The following UNC5D variants were observed in gnomAD, a reference collection of about 807,000 sequenced individuals.
The protein encoded by UNC5D is netrin receptor UNC5D.
Under a neutral mutation model 105.4 loss-of-function variants are expected in UNC5D, and 39 were observed. That is an observed-to-expected ratio of 0.37 (90% confidence interval 0.29 to 0.48). UNC5D has a LOEUF of 0.48. UNC5D is among the 20% of genes least tolerant of loss of function. UNC5D has a pLI of 0.98. For synonymous variants in UNC5D, 452 were observed against 450.4 expected (o/e 1.00, Z -0.04); for missense variants, 991 against 1,202.4 (o/e 0.82, Z 2.60).
chr8:35,502,833 G>A (rs1203456930), intron 1 of UNC5D, among the ~76,000 whole-genome samples: 2 of 151,830 alleles, frequency 1.3e-5, no homozygotes, highest in Non-Finnish European at 1.5e-5. Flanking sequence ...TTAAAGTGCT[G>A]GGATTACAGG....
intron 1 of UNC5D, among the ~76,000 whole-genome samples, chr8:35,377,505 G>C (rs1802771545): frequency 6.6e-6 from 1 of 152,142 alleles, no homozygotes; most frequent in South Asian, 2.1e-4. Context: ...AGCTCAGTGG[G>C]AAAGCTCCCC....
At chr8:35,633,692 T>C (rs1822187158) in intron 4 of UNC5D, among the ~76,000 whole-genome samples, 1 of 152,056 alleles carries the variant, frequency 6.6e-6, no homozygotes, top group African/African-American at 2.4e-5. Context: ...GAGTTTGAGG[T>C]TACAGTGAGC....
At chr8:35,340,814 G>T (rs990170838) in intron 1 of UNC5D, among the ~76,000 whole-genome samples, 5 of 152,014 alleles carry the variant, frequency 3.3e-5, no homozygotes, top group Admixed American at 3.3e-4. Flanking sequence ...AAGCTCAGGG[G>T]CCCAAACTTT....
At chr8:35,367,265 T>G (rs1362696118) in intron 1 of UNC5D, among the ~76,000 whole-genome samples, 1 of 152,202 alleles carries the variant, frequency 6.6e-6, no homozygotes. Context: ...GAAAGAGTGA[T>G]ATGTAAATTT....
intron 1 of UNC5D, among the ~76,000 whole-genome samples, chr8:35,458,741 T>G (rs995677997): frequency 6.6e-6 from 1 of 152,190 alleles, no homozygotes; most frequent in African/African-American, 2.4e-5. Context: ...TTGTGCCTTA[T>G]GCAAGCCTCA....
intron 4 of UNC5D, among the ~76,000 whole-genome samples, chr8:35,615,699 G>A (rs1016873344): frequency 4.0e-5 from 6 of 151,762 alleles, no homozygotes; most frequent in Non-Finnish European, 7.4e-5. Context: ...AATTTTTCAT[G>A]CCTGTGTGTC....
At chr8:35,574,024 C>T (rs915855395) in intron 3 of UNC5D, among the ~76,000 whole-genome samples, 3 of 152,186 alleles carry the variant, frequency 2.0e-5, no homozygotes, top group Non-Finnish European at 2.9e-5. Flanking sequence ...TTCAATAGAG[C>T]CAGAGATAGA....
chr8:35,496,601 T>G lies in UNC5D; in HGVS notation c.104-52691T>G, dbSNP rs1267492316. ...AAGGAAGGGAGTCACGCGTCACTCC[T>G]ACTTATGTAATTTTTAAAAACAGTT... On this transcript the variant is annotated intron_variant, in intron 1 of 16. Coordinates refer to ENST00000404895, the MANE Select transcript of UNC5D (RefSeq NM_080872.4). Among the ~76,000 whole-genome samples the G allele has an allele frequency of 3.0e-4, 45 of 152,212 alleles. 1 individual carries two copies. The highest frequency in any genetic ancestry group is 2.9e-3 in the Admixed American group (45 of 15,274).
chr8:35,236,358 A>T (rs928005523), intron 1 of UNC5D, among the ~76,000 whole-genome samples: 1 of 138,390 alleles, frequency 7.2e-6, no homozygotes, highest in Non-Finnish European at 1.6e-5. Flanking sequence ...CCCTTAGGGG[A>T]GGAACACCCA....
intron 1 of UNC5D, among the ~76,000 whole-genome samples, chr8:35,297,234 CA>C (rs1807562290): frequency 1.3e-5 from 2 of 152,172 alleles, no homozygotes; most frequent in Admixed American, 1.3e-4. Flanking sequence ...TTCTGCTTAG[CA>C]AAAAATCCTC....
chr8:35,331,804 A>G (rs1237711381), intron 1 of UNC5D, among the ~76,000 whole-genome samples: 1 of 152,172 alleles, frequency 6.6e-6, no homozygotes, highest in African/African-American at 2.4e-5. Context: ...ACTATAGGAC[A>G]TCTGCCAAGT....
chr8:35,590,633 T>C (rs1819108933), intron 3 of UNC5D, among the ~76,000 whole-genome samples: 1 of 152,306 alleles, frequency 6.6e-6, no homozygotes. Flanking sequence ...TCTAGTAATA[T>C]ACATGACCTC....
chr8:35,286,434 G>A (rs1236942603), intron 1 of UNC5D, among the ~76,000 whole-genome samples: 1 of 152,168 alleles, frequency 6.6e-6, no homozygotes, highest in Non-Finnish European at 1.5e-5. Context: ...ACATTTGCCA[G>A]GTGCTTCTAA....
chr8:35,573,536 T>A (rs756732653), intron 3 of UNC5D, among the ~76,000 whole-genome samples: 32 of 152,178 alleles, frequency 2.1e-4, no homozygotes, highest in Admixed American at 4.6e-4. Context: ...AGGTCCTGAA[T>A]CTTTCAAACT....
chr8:35,596,295 G>A (rs1439346580), intron 4 of UNC5D, among the ~76,000 whole-genome samples: 1 of 152,040 alleles, frequency 6.6e-6, no homozygotes, highest in Non-Finnish European at 1.5e-5. Flanking sequence ...GAATATAATT[G>A]TCCCTGGTAA....
At chr8:35,492,159 T>G (rs969251868) in intron 1 of UNC5D, among the ~76,000 whole-genome samples, 1 of 152,026 alleles carries the variant, frequency 6.6e-6, no homozygotes, top group Non-Finnish European at 1.5e-5. Flanking sequence ...AGTGCCATTA[T>G]TTCCTTAAGC....
intron 4 of UNC5D, 151 bp downstream of exon 4, chr8:35,595,808 T>C: frequency 4.6e-6 from 3 of 658,684 alleles, no homozygotes; most frequent in Admixed American, 2.9e-5. Flanking sequence ...GGTGAAGAAA[T>C]TGTCTAGGAA....
At chr8:35,413,079 A>C (rs1805280772) in intron 1 of UNC5D, among the ~76,000 whole-genome samples, 1 of 152,142 alleles carries the variant, frequency 6.6e-6, no homozygotes, top group African/African-American at 2.4e-5. Flanking sequence ...GTAGTGGATT[A>C]ATGCTAGGAG....
At chr8:35,351,718 G>C (rs1812251897) in intron 1 of UNC5D, among the ~76,000 whole-genome samples, 1 of 152,106 alleles carries the variant, frequency 6.6e-6, no homozygotes, top group Non-Finnish European at 1.5e-5. Context: ...TAGGCCAACT[G>C]CCTACTATGA....
Sources: gnomAD v4.1 joint callset for allele counts (sites outside exome capture counted in the v4.1 genomes callset) on GRCh38, gnomAD v4.1.1 for gene constraint, MANE v1.5 for transcripts, NCBI Gene and HGNC (gene_info 2026-07-23, HGNC 2026-07-21) for gene names.